CLUL1: variants seen among roughly 807,000 people sequenced by gnomAD.
CLUL1 encodes clusterin like 1, also known as clusterin-like protein 1.
CLUL1 carries 43 observed loss-of-function variants against 49.4 expected under a neutral mutation model. That is an observed-to-expected ratio of 0.87 (90% confidence interval 0.68 to 1.12). CLUL1 has a LOEUF of 1.12. CLUL1 is among the 50% of genes most tolerant of loss of function. The probability of loss-of-function intolerance (pLI) is 0.00; values close to 1 mark genes in which losing one functional copy is unlikely to be tolerated. For synonymous variants in CLUL1, 192 were observed against 184.9 expected, an observed-to-expected ratio of 1.04 and a Z score of -0.31; for missense variants, 486 against 544.4, an observed-to-expected ratio of 0.89 and a Z score of 1.07.
chr18:604,795 G>T (rs2143930400), intron 1 of CLUL1, among the ~76,000 whole-genome samples: 1 of 152,290 alleles, frequency 6.6e-6, no homozygotes, highest in South Asian at 2.1e-4. Flanking sequence ...AGGAAAGAGT[G>T]GGGTCCTGAA....
chr18:600,160 A>G (rs990938933), intron 1 of CLUL1, among the ~76,000 whole-genome samples: 2 of 152,018 alleles, frequency 1.3e-5, no homozygotes, highest in Admixed American at 6.6e-5. Flanking sequence ...CTTCAGTAGC[A>G]TTAGCCTTTC....
At chr18:639,430 CAAAAAA>C (rs11357641) in intron 7 of CLUL1, among the ~76,000 whole-genome samples, 6 of 71,944 alleles carry the variant, frequency 8.3e-5, no homozygotes, top group Non-Finnish European at 7.2e-5. Context: ...GACTCCATCT[CAAAAAA>C]AAAAAAAAAA....
chr18:631,745 T>TA (rs1169468681), intron 6 of CLUL1, among the ~76,000 whole-genome samples: 1 of 152,070 alleles, frequency 6.6e-6, no homozygotes, highest in Non-Finnish European at 1.5e-5. Context: ...ATATTGTGGG[T>TA]AAAATGGCAG....
At chr18:630,547 T>C (rs1023864971) in intron 6 of CLUL1, among the ~76,000 whole-genome samples, 2 of 152,164 alleles carry the variant, frequency 1.3e-5, no homozygotes, top group African/African-American at 4.8e-5. Flanking sequence ...GGCTCGACTT[T>C]GACGACCTTG....
Position 606,808 on chromosome 18 carries a change from T to C in CLUL1, c.-135-170T>C, listed in dbSNP as rs1598409535. Among the ~76,000 whole-genome samples, 2 of 151,032 alleles carry C rather than the reference T, an allele frequency of 1.3e-5. No homozygotes were observed. The highest frequency in any genetic ancestry group is 3.9e-4 in the East Asian group (2 of 5,148). On this transcript the variant is annotated intron_variant, in intron 1 of 9. Coordinates refer to ENST00000692774, the MANE Select transcript of CLUL1 (RefSeq NM_001393344.1). This position sits in a 1 kb window ranked among gnomAD's most constrained non-coding sequence, Gnocchi z 4.1. ...AACGTGAGATATGATTCTCCCGGAG[T>C]GTTTAGAGCAGGAATGTTCTTGGGC...
chr18:649,893 T>TTTTTG lies in CLUL1; in HGVS notation c.1398-4_1398-3insTTTGT. On this transcript the variant is annotated splice_region_variant and splice_polypyrimidine_tract_variant and intron_variant, in intron 9 of 9. Transcript: ENST00000692774. ...ATCATTGCTGCCTTTTTTTTTTTTT[T>TTTTTG]TAAGGTAAGAAGATCTAATGCATCC... is the stretch of plus-strand genomic sequence containing the variant. The TTTTTG allele has an allele frequency of 7.2e-7, 1 of 1,396,004 alleles. No individual in the cohort carries two copies. Among genetic ancestry groups the TTTTTG allele is most frequent in the Non-Finnish European group, 1.0e-6 (1 of 992,104 alleles). The allele number at this position is 1,396,004 out of a possible 1,614,324, so 86.5% of individuals were successfully genotyped here. A position where few individuals can be genotyped will look rare whatever the true frequency, so the allele number is the denominator to read the frequency against.
At chr18:601,427 G>T (rs1242154330) in intron 1 of CLUL1, among the ~76,000 whole-genome samples, 3 of 152,112 alleles carry the variant, frequency 2.0e-5, no homozygotes, top group African/African-American at 7.2e-5. Context: ...TGGATCCCTT[G>T]GGATCAGGAG....
At chr18:609,159 C>T (rs1230886967) in intron 2 of CLUL1, among the ~76,000 whole-genome samples, 1 of 152,110 alleles carries the variant, frequency 6.6e-6, no homozygotes, top group East Asian at 1.9e-4. Context: ...GGTAAATTTA[C>T]ACAATATTTT....
At chr18:624,418 T>C (rs1225848804) in intron 4 of CLUL1, among the ~76,000 whole-genome samples, 1 of 152,110 alleles carries the variant, frequency 6.6e-6, no homozygotes, top group Non-Finnish European at 1.5e-5. Context: ...TATACAACAA[T>C]TAAAGACAGC....
intron 9 of CLUL1, 60 bp from the exon 10 acceptor site, chr18:649,838 T>G: frequency 1.3e-5 from 14 of 1,102,924 alleles, no homozygotes; most frequent in Non-Finnish European, 1.6e-5. Flanking sequence ...AAAAATACAC[T>G]GAGTCTGTGA....
In CLUL1 at chr18:641,448, C is replaced by T. The variant is rs1160045054; in HGVS notation, c.1116C>T (p.Ala372=). The T allele has an allele frequency of 1.9e-6, 3 of 1,614,212 alleles. No individual in the cohort carries two copies. The highest frequency in any genetic ancestry group is 1.7e-6 in the Non-Finnish European group (2 of 1,180,046). ...CCCGGAAGCACTTGGAGGACACCGC[C>T]TATCTGGTGGAGAAGATGAGAGGGC... The part of the protein sequence containing the change: ...QMTRKHLEDT[A]YLVEKMRGQF... Residue 372 remains alanine (A), a synonymous_variant, in exon 8 of 10, where the codon GCC becomes GCT. Transcript: ENST00000692774.
At chr18:628,798 A>G (rs2073894835) in intron 6 of CLUL1, among the ~76,000 whole-genome samples, 1 of 151,230 alleles carries the variant, frequency 6.6e-6, no homozygotes, top group Admixed American at 6.6e-5. Context: ...CGCCTGGCTA[A>G]TTTTTGTATT....
At chr18:619,436 T>C (rs1316798432) in intron 4 of CLUL1, 75 bp downstream of exon 4, 1 of 1,287,994 alleles carries the variant, frequency 7.8e-7, no homozygotes, top group Non-Finnish European at 1.0e-6. Flanking sequence ...GTGCGATTGA[T>C]GAATTACTTA....
chr18:630,825 T>A (rs1248288280), intron 6 of CLUL1, among the ~76,000 whole-genome samples: 1 of 151,514 alleles, frequency 6.6e-6, no homozygotes, highest in Non-Finnish European at 1.5e-5. Context: ...TAGCTGGGAC[T>A]ACAGGCACGT....
At chr18:629,157 T>C (rs1168560619) in intron 6 of CLUL1, among the ~76,000 whole-genome samples, 1 of 152,214 alleles carries the variant, frequency 6.6e-6, no homozygotes, top group African/African-American at 2.4e-5. Flanking sequence ...CCATCATTAC[T>C]GGAATTGTTG....
intron 2 of CLUL1, among the ~76,000 whole-genome samples, chr18:610,037 GA>G (rs1227878800): frequency 6.6e-6 from 1 of 152,096 alleles, no homozygotes; most frequent in East Asian, 1.9e-4. Context: ...TAGAGGATGA[GA>G]CTTAAATGTT....
intron 7 of CLUL1, among the ~76,000 whole-genome samples, chr18:635,402 C>G (rs970474285): frequency 1.3e-5 from 2 of 152,178 alleles, no homozygotes; most frequent in African/African-American, 2.4e-5. Flanking sequence ...TGCTTGCTCA[C>G]CTGCCGCTCA....
intron 7 of CLUL1, among the ~76,000 whole-genome samples, chr18:640,419 G>C (rs897081570): frequency 6.6e-6 from 1 of 150,854 alleles, no homozygotes; most frequent in African/African-American, 2.4e-5. Context: ...TGAAAAAAAA[G>C]AAAAGAAAAA....
intron 4 of CLUL1, among the ~76,000 whole-genome samples, chr18:622,198 C>G (rs1424106075): frequency 4.6e-5 from 7 of 152,130 alleles, no homozygotes; most frequent in African/African-American, 1.7e-4. Context: ...TCAGTGGTGA[C>G]CCAGCATCCT....
Sources: gnomAD v4.1 joint callset for allele counts (sites outside exome capture counted in the v4.1 genomes callset) on GRCh38, gnomAD v4.1.1 for gene constraint, Gnocchi (gnomAD v3.1) non-coding constraint, MANE v1.5 for transcripts, NCBI Gene and HGNC (gene_info 2026-07-23, HGNC 2026-07-21) for gene names.